Variants in BBS9 observed in about 807,000 individuals in gnomAD.
The protein encoded by BBS9 is protein PTHB1.
Under a neutral mutation model 117.7 loss-of-function variants are expected in BBS9, and 89 were observed. That is an observed-to-expected ratio of 0.76 (90% confidence interval 0.64 to 0.90). The LOEUF (loss-of-function observed/expected upper bound fraction) is 0.90, where lower values mean the gene tolerates loss of function less well. Ranked by LOEUF, BBS9 falls within the 40% of genes least tolerant of loss-of-function variation. The pLI, the probability that BBS9 is intolerant of heterozygous loss-of-function variation, is 0.00. For missense variants in BBS9, 982 were observed against 1,042.2 expected, an observed-to-expected ratio of 0.94 and a Z score of 0.80; for synonymous variants, 379 against 370.9, an observed-to-expected ratio of 1.02 and a Z score of -0.25.
chr7:33,167,086 A>C (rs1044260713), intron 4 of BBS9, among the ~76,000 whole-genome samples: 1 of 152,226 alleles, frequency 6.6e-6, no homozygotes, highest in Non-Finnish European at 1.5e-5. Context: ...GCTTTTAATA[A>C]CAAAAGCTTT....
chr7:33,544,740 G>A (rs947444874), intron 21 of BBS9, among the ~76,000 whole-genome samples: 2 of 152,176 alleles, frequency 1.3e-5, no homozygotes, highest in Admixed American at 6.5e-5. Context: ...GGCAGTGGGT[G>A]GGGCCCTAGA....
Position 33,278,692 on chromosome 7 carries a change from T to A in BBS9, c.1016+4736T>A, listed in dbSNP as rs932919892. On this transcript the variant is annotated intron_variant, in intron 9 of 22. Coordinates refer to ENST00000242067, the MANE Select transcript of BBS9 (RefSeq NM_198428.3). ...TCACTGTAATTAGATCTCTGCCCTA[T>A]GGGTCGACAGTGCCTCACCAGCAGG... Among the ~76,000 whole-genome samples, 26 of 152,254 alleles carry A rather than the reference T, an allele frequency of 1.7e-4. 1 individual carries two copies. Among genetic ancestry groups the A allele is most frequent in the African/African-American group, 6.0e-4 (25 of 41,542 alleles).
chr7:33,601,684 C>G (rs558084834), intron 21 of BBS9, among the ~76,000 whole-genome samples: 4 of 152,152 alleles, frequency 2.6e-5, no homozygotes, highest in African/African-American at 9.6e-5. Flanking sequence ...GCCAAAGAGG[C>G]CTTCCGAATT....
intron 4 of BBS9, among the ~76,000 whole-genome samples, chr7:33,165,374 C>T: frequency 6.6e-6 from 1 of 152,092 alleles, no homozygotes; most frequent in Non-Finnish European, 1.5e-5. Context: ...GAATGTTGGC[C>T]TGCCTTGCTA....
Position 33,164,277 on chromosome 7 carries a change from C to T in BBS9, c.328+8575C>T, listed in dbSNP as rs572129087. Among the ~76,000 whole-genome samples the T allele has an allele frequency of 4.2e-4, 64 of 152,120 alleles. No individual in the cohort carries two copies. In the South Asian group the frequency reaches 0.012, roughly 29 times the overall value. On this transcript the variant is annotated intron_variant, in intron 4 of 22. Coordinates refer to ENST00000242067, the MANE Select transcript of BBS9 (RefSeq NM_198428.3). Reference sequence around the variant, plus strand: ...CATGTGGTCAATTTTTGAATAAGTGCGATGTGGTGCTGAGAAGAATGTATA... The same window carrying T: ...CATGTGGTCAATTTTTGAATAAGTGTGATGTGGTGCTGAGAAGAATGTATA...
intron 21 of BBS9, among the ~76,000 whole-genome samples, chr7:33,626,759 C>T (rs1306253204): frequency 6.6e-6 from 1 of 152,224 alleles, no homozygotes; most frequent in African/African-American, 2.4e-5. Flanking sequence ...CTTAGGGTAT[C>T]TAGCAGAAGA....
intron 21 of BBS9, among the ~76,000 whole-genome samples, chr7:33,626,004 G>A (rs1297443272): frequency 6.6e-6 from 1 of 152,104 alleles, no homozygotes; most frequent in African/African-American, 2.4e-5. Context: ...GATATGGTTT[G>A]GATTTGTGTC....
intron 12 of BBS9, among the ~76,000 whole-genome samples, chr7:33,348,048 C>T (rs559822817): frequency 3.3e-5 from 5 of 152,090 alleles, no homozygotes; most frequent in African/African-American, 1.2e-4. Flanking sequence ...AATCCGATGA[C>T]TTTTAGTATA....
In BBS9 at chr7:33,205,207, A is replaced by C. The variant is rs1786674286; in HGVS notation, c.442+27616A>C. Among the ~76,000 whole-genome samples, 3 of 152,274 alleles carry C rather than the reference A, an allele frequency of 2.0e-5. No homozygotes were observed. The South Asian group carries it at 6.2e-4, about 32-fold the overall frequency. On this transcript the variant is annotated intron_variant, in intron 5 of 22. Transcript: ENST00000242067. Reference sequence around the variant, plus strand: ...TCTCGACCAGAGAATTCTCTGCTTCAAATTTAGTAGAACCATGGCTGTATT... The same window carrying C: ...TCTCGACCAGAGAATTCTCTGCTTCCAATTTAGTAGAACCATGGCTGTATT...
chr7:33,403,579 C>A (rs1829349207), intron 19 of BBS9, among the ~76,000 whole-genome samples: 1 of 148,716 alleles, frequency 6.7e-6, no homozygotes, highest in South Asian at 2.1e-4. Context: ...GGTTTTTTGT[C>A]CTTGCGATAG....
chr7:33,151,015 G>A (rs1584167546), intron 2 of BBS9, among the ~76,000 whole-genome samples: 1 of 152,134 alleles, frequency 6.6e-6, no homozygotes. Context: ...TACTTTGGAG[G>A]CCAAGGCAGG....
At position 33,503,346 on chromosome 7, in the gene BBS9, A is replaced by G. The variant is rs58155522; in HGVS notation, c.2116-2117A>G. Among the ~76,000 whole-genome samples, 2,888 of 152,272 alleles carry G rather than the reference A, an allele frequency of 0.019. 247 individuals carry two copies. The East Asian group carries it at 0.29, about 15-fold the overall frequency. ...TTCTCATCTGTGAAAGAAAATATCAACTAAGTCGCAGGGGAGATGTGAGGA... is the reference window on the plus strand; with the variant it reads ...TTCTCATCTGTGAAAGAAAATATCAGCTAAGTCGCAGGGGAGATGTGAGGA... On this transcript the variant is annotated intron_variant, in intron 19 of 22. Coordinates refer to ENST00000242067, the MANE Select transcript of BBS9 (RefSeq NM_198428.3).
At chr7:33,171,537 G>A (rs1796573629) in intron 4 of BBS9, among the ~76,000 whole-genome samples, 1 of 151,944 alleles carries the variant, frequency 6.6e-6, no homozygotes, top group Non-Finnish European at 1.5e-5. Flanking sequence ...TAAAACCCTA[G>A]AAAATAATTT....
chr7:33,371,962 C>T (rs1822947139), intron 17 of BBS9, among the ~76,000 whole-genome samples: 2 of 152,120 alleles, frequency 1.3e-5, no homozygotes, highest in African/African-American at 4.8e-5. Context: ...TCATAATGGA[C>T]TACCAAATCT....
At chr7:33,378,222 A>G (rs555324529) in intron 17 of BBS9, among the ~76,000 whole-genome samples, 48 of 152,150 alleles carry the variant, frequency 3.2e-4, no homozygotes, top group African/African-American at 1.0e-3. Context: ...TTCATATGTT[A>G]TTCACTTGTT....
chr7:33,386,501 TTTA>T, intron 18 of BBS9, among the ~76,000 whole-genome samples: 1 of 144,394 alleles, frequency 6.9e-6, no homozygotes, highest in African/African-American at 2.6e-5. Flanking sequence ...TATTTATTTA[TTTA>T]TTTTGAGACG....
At chr7:33,502,567 A>G (rs766193118) in intron 19 of BBS9, among the ~76,000 whole-genome samples, 1 of 152,234 alleles carries the variant, frequency 6.6e-6, no homozygotes, top group Non-Finnish European at 1.5e-5. Flanking sequence ...TTTAATTGTT[A>G]GTAATGGCCA....
At chr7:33,477,486 C>T (rs938232066) in intron 19 of BBS9, among the ~76,000 whole-genome samples, 1 of 152,250 alleles carries the variant, frequency 6.6e-6, no homozygotes, top group African/African-American at 2.4e-5. Context: ...GAGATGCATA[C>T]CTTAATATCT....
intron 19 of BBS9, among the ~76,000 whole-genome samples, chr7:33,490,261 C>G (rs1292755197): frequency 6.6e-6 from 1 of 152,166 alleles, no homozygotes; most frequent in Admixed American, 6.5e-5. Flanking sequence ...TTATACATAA[C>G]ACATTTACTT....
Sources: allele counts gnomAD v4.1 joint callset (sites outside exome capture counted in the v4.1 genomes callset), GRCh38; gene constraint gnomAD v4.1.1; transcripts MANE v1.5; gene names NCBI Gene and HGNC (gene_info 2026-07-23, HGNC 2026-07-21).